USP24: variants seen among roughly 807,000 people sequenced by gnomAD.
USP24 encodes the protein ubiquitin carboxyl-terminal hydrolase 24.
A neutral mutation model predicts 361.6 loss-of-function variants in USP24; 97 were observed. The observed-to-expected ratio is 0.27, with a 90% CI of 0.23 to 0.32. The LOEUF (loss-of-function observed/expected upper bound fraction) is 0.32. Among genes scored for constraint, USP24 ranks in the 10% least tolerant of loss-of-function variants. The probability of loss-of-function intolerance (pLI) is 1.00; values close to 1 mark genes in which losing one functional copy is unlikely to be tolerated. For synonymous variants in USP24, 1,098 were observed against 1,124.6 expected (o/e 0.98, Z 0.47); for missense variants, 2,353 against 3,165.6 (o/e 0.74, Z 6.16).
chr1:55,203,263 T>G (rs992847082), intron 1 of USP24, among the ~76,000 whole-genome samples: 2 of 152,208 alleles, frequency 1.3e-5, no homozygotes, highest in Admixed American at 1.3e-4. Context: ...ATATTAAAGA[T>G]AACCTACAGT....
At position 55,120,852 on chromosome 1, in the gene USP24, C is replaced by T. The variant is rs890314393; in HGVS notation, c.4348-96G>A. 4.3e-6 allele frequency: 6 copies of T among 1,383,992 alleles called. No individual in the cohort carries two copies. In the African/African-American group the frequency reaches 8.7e-5, roughly 20 times the overall value. 85.7% of individuals were successfully genotyped at this position (1,383,992 alleles called of 1,614,324 possible). A position where few individuals can be genotyped will look rare whatever the true frequency, so the allele number is the denominator to read the frequency against. On this transcript the variant is annotated intron_variant, in intron 37 of 67. Transcript: ENST00000294383. ...TCTTCCAAAGTCCAGCCTATTTAGT[C>T]AATCAAGTTATTGAAGGATACTAGA...
chr1:55,179,268 C>A (rs1374451001), intron 1 of USP24, among the ~76,000 whole-genome samples: 1 of 152,174 alleles, frequency 6.6e-6, no homozygotes, highest in Non-Finnish European at 1.5e-5. Flanking sequence ...ATGGGTCTGG[C>A]TGTTCTAGTC....
At chr1:55,143,611 T>C (rs1030865052) in intron 21 of USP24, among the ~76,000 whole-genome samples, 4 of 151,792 alleles carry the variant, frequency 2.6e-5, no homozygotes, top group African/African-American at 9.7e-5. Context: ...TAAAAAGGAC[T>C]TGGAAAAAGA....
At chr1:55,137,309 A>T (rs1196923503) in intron 28 of USP24, among the ~76,000 whole-genome samples, 1 of 152,240 alleles carries the variant, frequency 6.6e-6, no homozygotes, top group South Asian at 2.1e-4. Context: ...AACTGTTTCA[A>T]GGAGCTTTGC....
intron 38 of USP24, 73 bp from the exon 39 acceptor site, chr1:55,110,319 C>T (rs1236666799): frequency 3.2e-6 from 4 of 1,255,438 alleles, no homozygotes; most frequent in Non-Finnish European, 4.3e-6. Flanking sequence ...CTTGTAAGAA[C>T]AAATTCATAA....
chr1:55,204,393 G>C (rs918361979), intron 1 of USP24, among the ~76,000 whole-genome samples: 5 of 151,720 alleles, frequency 3.3e-5, no homozygotes, highest in African/African-American at 1.2e-4. Flanking sequence ...CTAGTTGAGA[G>C]AATCATCAAT....
At chr1:55,180,109 G>A (rs199962802) in intron 1 of USP24, among the ~76,000 whole-genome samples, 2 of 152,006 alleles carry the variant, frequency 1.3e-5, no homozygotes, top group Admixed American at 1.3e-4. Flanking sequence ...TTCATGTATC[G>A]GACTATTTTC....
intron 7 of USP24, among the ~76,000 whole-genome samples, chr1:55,163,670 A>T (rs1648525551): frequency 6.6e-6 from 1 of 152,240 alleles, no homozygotes; most frequent in African/African-American, 2.4e-5. Context: ...TTTTAGAAAG[A>T]CATTTAGCAC....
rs1646774292 is a variant in USP24 at position 55,137,602 on chromosome 1, C to T, written c.3114G>A (p.Gly1038=). 1 of 1,613,186 alleles carries T rather than the reference C, an allele frequency of 6.2e-7. No individual in the cohort carries two copies. Among genetic ancestry groups the T allele is most frequent in the African/African-American group, 1.3e-5 (1 of 74,876 alleles). Residue 1038 remains glycine, a synonymous_variant, in exon 28 of 68, where the codon GGG becomes GGA. Transcript: ENST00000294383. ...QILTVKTSGS[G]TPSGSSADSS... The stretch of plus-strand genomic sequence containing the variant: ...AATCTGCTGAACTCCCAGATGGGGT[C>T]CCACTGCCAGAAGTCTTCACTGTAA...
In USP24 at chr1:55,067,552, G is replaced by C. The variant is rs957793243; in HGVS notation, c.*1493C>G. ...CTCACTGCCAGAGAATGAAAAGACTGGGCCATGGCGAGAGCACAGTAATGA... is the reference window on the plus strand; with the variant it reads ...CTCACTGCCAGAGAATGAAAAGACTCGGCCATGGCGAGAGCACAGTAATGA... On this transcript the variant is annotated 3_prime_UTR_variant, in exon 68 of 68. Coordinates refer to ENST00000294383, the MANE Select transcript of USP24 (RefSeq NM_015306.3). The C allele has an allele frequency of 5.3e-5, 8 of 152,200 alleles. No homozygotes were observed. The highest frequency in any genetic ancestry group is 5.2e-4 in the Admixed American group (8 of 15,288). 9.4% of individuals were successfully genotyped at this position (152,200 alleles called of 1,614,324 possible).
rs989746557 is a variant in USP24 at position 55,139,005 on chromosome 1, G to A, written c.2756C>T (p.Thr919Ile). 1 of 1,608,824 alleles carries A rather than the reference G, an allele frequency of 6.2e-7. No individual in the cohort carries two copies. The highest frequency in any genetic ancestry group is 1.7e-5 in the Admixed American group (1 of 59,604). Reference protein sequence around the residue: ...ATSVQSPYRSTKLVIIERLLL... With the variant: ...ATSVQSPYRSIKLVIIERLLL... ...CAATCTCTCAATTATTACAAGTTTA[G>A]TAGATCTATAGATTAAAAAAAAAAA... Residue 919 changes from threonine (T) to isoleucine (I), a missense_variant, in exon 25 of 68, where the codon ACT becomes ATT. By Grantham distance (89) the Thr-to-Ile change is moderately conservative. This residue lies in a region of USP24 where 949 missense variants were observed against 1,280.5 expected (regional missense o/e 0.74). Transcript: ENST00000294383.
chr1:55,069,024 T>A lies in USP24; in HGVS notation c.*21A>T, dbSNP rs202006461. ...GCATCCAGTATTGTGTCTTGACTCCTCTCAGGCTGGGCATGTTCCTCTAGG... is the reference window on the plus strand; with the variant it reads ...GCATCCAGTATTGTGTCTTGACTCCACTCAGGCTGGGCATGTTCCTCTAGG... On this transcript the variant is annotated 3_prime_UTR_variant, in exon 68 of 68. Transcript: ENST00000294383. The A allele has an allele frequency of 2.5e-6, 4 of 1,613,788 alleles. No individual in the cohort carries two copies. Among genetic ancestry groups the A allele is most frequent in the Non-Finnish European group, 3.4e-6 (4 of 1,179,686 alleles).
intron 1 of USP24, among the ~76,000 whole-genome samples, chr1:55,212,705 C>T (rs1644876995): frequency 6.6e-6 from 1 of 152,170 alleles, no homozygotes; most frequent in Admixed American, 6.5e-5. Flanking sequence ...AGGAAAGTCT[C>T]AGCCTGCCAA....
intron 1 of USP24, among the ~76,000 whole-genome samples, chr1:55,201,507 A>G (rs1644573019): frequency 7.0e-6 from 1 of 143,628 alleles, no homozygotes; most frequent in Non-Finnish European, 1.5e-5. Context: ...AGGCTGAGGC[A>G]GGGGAATCGC....
At position 55,143,008 on chromosome 1, in the gene USP24, A is replaced by G; in HGVS notation, c.2551T>C (p.Tyr851His). The G allele has an allele frequency of 1.3e-6, 2 of 1,519,944 alleles. No individual in the cohort carries two copies. Among genetic ancestry groups the G allele is most frequent in the Non-Finnish European group, 1.8e-6 (2 of 1,130,676 alleles). The allele number at this position is 1,519,944 out of a possible 1,614,324, so 94.2% of individuals were successfully genotyped here. A position where few individuals can be genotyped will look rare whatever the true frequency, so the allele number is the denominator to read the frequency against. Residue 851 changes from tyrosine (Y) to histidine (H), a missense_variant, in exon 22 of 68, where the codon TAC becomes CAC. Tyr to His is a moderately conservative substitution (Grantham distance 83, BLOSUM62 2). Coordinates refer to ENST00000294383, the MANE Select transcript of USP24 (RefSeq NM_015306.3). The part of the protein sequence containing the change: ...EAIQLIINYS[Y>H]INLNPRLKKD... ...TTTAATCTAGGATTTAGATTAATGTAACTATAGTTTATGATTAGCTGAATA... is the reference window on the plus strand; with the variant it reads ...TTTAATCTAGGATTTAGATTAATGTGACTATAGTTTATGATTAGCTGAATA...
intron 1 of USP24, among the ~76,000 whole-genome samples, chr1:55,201,549 C>T (rs555553039): frequency 3.6e-4 from 49 of 135,958 alleles, no homozygotes; most frequent in African/African-American, 1.4e-3. Context: ...TGCAATGAGC[C>T]GAGATCACGC....
At chr1:55,168,418 CA>C (rs376832855) in intron 5 of USP24, among the ~76,000 whole-genome samples, 1,474 of 142,218 alleles carry the variant, frequency 0.01, 17 homozygotes, top group African/African-American at 0.029. Flanking sequence ...GTTGAGTTGA[CA>C]AAAAAAAAAA....
At position 55,158,908 on chromosome 1, in the gene USP24, A is replaced by G. The variant is rs769119673; in HGVS notation, c.1197T>C (p.His399=). 6.4e-7 allele frequency: 1 copy of G among 1,568,638 alleles called. No homozygotes were observed. Among genetic ancestry groups the G allele is most frequent in the South Asian group, 1.2e-5 (1 of 83,278 alleles). The change falls in exon 10 of 68, where the codon CAT becomes CAC. Residue 399 remains histidine, a synonymous_variant. Transcript: ENST00000294383. ...TGAGAGAATTCATCTTAGCACTGAA[A>G]TGTGGTGATTTCAGCATGCGCAATA... The part of the protein sequence containing the change: ...DILLRMLKSP[H]FSAKMNSLKE...
rs3736991 is a variant in USP24, at chr1:55,092,333, T to C, written c.6451-207A>G. Among the ~76,000 whole-genome samples, 7 of 152,360 alleles carry C rather than the reference T, an allele frequency of 4.6e-5. No homozygotes were observed. The East Asian group carries it at 1.3e-3, about 29-fold the overall frequency. On this transcript the variant is annotated intron_variant, in intron 53 of 67. Coordinates refer to ENST00000294383, the MANE Select transcript of USP24 (RefSeq NM_015306.3). ...TTAAAAAGGTTAAGAAAAGACATTGTCTTCATTTCTTTTATGAAATCCTCT... is the reference window on the plus strand; with the variant it reads ...TTAAAAAGGTTAAGAAAAGACATTGCCTTCATTTCTTTTATGAAATCCTCT...
Sources: gnomAD v4.1 joint callset for allele counts (sites outside exome capture counted in the v4.1 genomes callset) on GRCh38, gnomAD v4.1.1 for gene constraint, gnomAD v4.1.1 regional missense constraint, MANE v1.5 for transcripts, NCBI Gene and HGNC (gene_info 2026-07-23, HGNC 2026-07-21) for gene names.